Variants in EEFSEC observed in about 807,000 individuals in gnomAD.
The protein encoded by EEFSEC is eukaryotic elongation factor, selenocysteine-tRNA specific, also known as selenocysteine-specific elongation factor.
A neutral mutation model predicts 42.1 loss-of-function variants in EEFSEC; 43 were observed. The ratio of observed to expected loss-of-function variants is 1.02; its 90% CI spans 0.80 to 1.32. The LOEUF is 1.32. Among genes scored for constraint, EEFSEC ranks in the 40% most tolerant of loss-of-function variants. EEFSEC has a pLI of 0.00. For missense variants in EEFSEC, 745 were observed against 803.6 expected (o/e 0.93, Z 0.88); for synonymous variants, 354 against 339.1 (o/e 1.04, Z -0.48).
At chr3:128,224,054 C>T (rs1477060268) in intron 1 of EEFSEC, among the ~76,000 whole-genome samples, 2 of 151,690 alleles carry the variant, frequency 1.3e-5, no homozygotes, top group African/African-American at 4.8e-5. Context: ...TTCTCATTCT[C>T]TTTTCATTTG....
At chr3:128,422,562 G>A in the EEFSEC span, among the ~76,000 whole-genome samples, 1 of 152,204 alleles carries the variant, frequency 6.6e-6, no homozygotes. Flanking sequence ...TGAGAAACTC[G>A]TTCTCACTCC....
chr3:128,235,812 C>T (rs2066002882), intron 1 of EEFSEC, among the ~76,000 whole-genome samples: 1 of 152,216 alleles, frequency 6.6e-6, no homozygotes, highest in African/African-American at 2.4e-5. Context: ...CATATGTGCC[C>T]CATGTGCACG....
chr3:128,298,839 C>T (rs1286441888), intron 4 of EEFSEC, among the ~76,000 whole-genome samples: 1 of 152,208 alleles, frequency 6.6e-6, no homozygotes, highest in East Asian at 1.9e-4. Context: ...TGGTGCTTGG[C>T]TAATTTCACT....
chr3:128,323,170 C>T (rs2067026407), intron 4 of EEFSEC, among the ~76,000 whole-genome samples: 1 of 152,172 alleles, frequency 6.6e-6, no homozygotes, highest in Non-Finnish European at 1.5e-5. Flanking sequence ...AGGGGTAGTT[C>T]ACATACTTAG....
intron 4 of EEFSEC, among the ~76,000 whole-genome samples, chr3:128,283,015 C>G (rs1339055847): frequency 6.6e-6 from 1 of 152,248 alleles, no homozygotes; most frequent in Non-Finnish European, 1.5e-5. Context: ...TTGGGTGCTT[C>G]CTGCCAGGAG....
chr3:128,383,559 G>A (rs930362265), intron 6 of EEFSEC, among the ~76,000 whole-genome samples: 9 of 152,178 alleles, frequency 5.9e-5, no homozygotes, highest in African/African-American at 1.9e-4. Flanking sequence ...GACTAGGGTC[G>A]GGATCTTGGT....
At position 128,262,298 on chromosome 3, in the gene EEFSEC, C is replaced by G; in HGVS notation, c.621+74C>G. On this transcript the variant is annotated intron_variant, in intron 3 of 6. Transcript: ENST00000254730. ...GGCCAGCCCCTTTGTGTCCCTCTCT[C>G]CCCTGAGAGAGAAAGAGAGGCAGCC... 7 of 1,357,456 alleles carry G rather than the reference C, an allele frequency of 5.2e-6. No individual in the cohort carries two copies. In the South Asian group the frequency reaches 8.4e-5, roughly 16 times the overall value. The allele number at this position is 1,357,456 out of a possible 1,614,324, so 84.1% of individuals were successfully genotyped here.
intron 1 of EEFSEC, among the ~76,000 whole-genome samples, chr3:128,171,761 G>C (rs2065298697): frequency 6.6e-6 from 1 of 150,542 alleles, no homozygotes; most frequent in Non-Finnish European, 1.5e-5. Flanking sequence ...TTTCTATAGA[G>C]ACTTTTAAGC....
chr3:128,354,868 G>A (rs990620437), intron 5 of EEFSEC, among the ~76,000 whole-genome samples: 1 of 152,214 alleles, frequency 6.6e-6, no homozygotes, highest in East Asian at 1.9e-4. Flanking sequence ...CTGGAGCCAG[G>A]CCTCCAGGCC....
the EEFSEC span, among the ~76,000 whole-genome samples, chr3:128,416,892 G>T: frequency 6.7e-6 from 1 of 148,960 alleles, no homozygotes; most frequent in Non-Finnish European, 1.5e-5. Context: ...GCTCACCCCT[G>T]TGTCATGGGA....
At chr3:128,377,289 G>T (rs576411421) in intron 6 of EEFSEC, among the ~76,000 whole-genome samples, 2 of 151,490 alleles carry the variant, frequency 1.3e-5, no homozygotes, top group Non-Finnish European at 2.9e-5. Flanking sequence ...TTACTCTGTG[G>T]TCTCCAAGGG....
rs150858031 is a variant in EEFSEC, at chr3:128,361,189, G to A, written c.1600+2816G>A. Among the ~76,000 whole-genome samples the A allele has an allele frequency of 1.8e-4, 27 of 152,234 alleles. 1 individual carries two copies. Among genetic ancestry groups the A allele is most frequent in the Middle Eastern group, 6.8e-3 (2 of 294 alleles). On this transcript the variant is annotated intron_variant, in intron 6 of 6. Transcript: ENST00000254730. ...CGGGCTGGGAAAGGCAGAATGAAGA[G>A]TCCCCTGGGTTTCCTCCCATCAGCC... is the stretch of plus-strand genomic sequence containing the variant.
At chr3:128,165,163 C>T (rs567423087) in intron 1 of EEFSEC, among the ~76,000 whole-genome samples, 7 of 152,288 alleles carry the variant, frequency 4.6e-5, no homozygotes, top group East Asian at 3.9e-4. Context: ...CCTAGGGAGG[C>T]GTTTCCATCT....
chr3:128,222,250 C>T (rs1477530575), intron 1 of EEFSEC, among the ~76,000 whole-genome samples: 2 of 152,038 alleles, frequency 1.3e-5, no homozygotes, highest in Non-Finnish European at 2.9e-5. Flanking sequence ...CCAGGCTGGC[C>T]TCGAACTCCT....
At chr3:128,365,066 G>A (rs979829597) in intron 6 of EEFSEC, among the ~76,000 whole-genome samples, 1 of 152,230 alleles carries the variant, frequency 6.6e-6, no homozygotes, top group African/African-American at 2.4e-5. Flanking sequence ...GGTTCCAGCT[G>A]GTAGCCCGTG....
the EEFSEC span, among the ~76,000 whole-genome samples, chr3:128,422,911 G>A: frequency 3.3e-5 from 5 of 152,314 alleles, no homozygotes; most frequent in East Asian, 7.7e-4. Context: ...AGGTCATGCT[G>A]CCCCCACCTG....
At chr3:128,221,410 T>A (rs544828832) in intron 1 of EEFSEC, among the ~76,000 whole-genome samples, 8 of 152,360 alleles carry the variant, frequency 5.3e-5, no homozygotes, top group African/African-American at 1.7e-4. Context: ...TGGTGGAGAT[T>A]AAATTGCTTG....
At chr3:128,203,600 A>G (rs2065664251) in intron 1 of EEFSEC, among the ~76,000 whole-genome samples, 1 of 152,218 alleles carries the variant, frequency 6.6e-6, no homozygotes, top group Non-Finnish European at 1.5e-5. Flanking sequence ...AGGTGACATG[A>G]GTAGGGGCAG....
chr3:128,341,262 G>T lies in EEFSEC; in HGVS notation c.816G>T (p.Met272Ile). 6.2e-7 allele frequency: 1 copy of T among 1,612,654 alleles called. No individual in the cohort carries two copies. Among genetic ancestry groups the T allele is most frequent in the Non-Finnish European group, 8.5e-7 (1 of 1,179,266 alleles). The change falls in exon 5 of 7, where the codon ATG becomes ATT. Residue 272 changes from methionine (M) to isoleucine (I), a missense_variant. Coordinates refer to ENST00000254730, the MANE Select transcript of EEFSEC (RefSeq NM_021937.5). The part of the protein sequence containing the change: ...KVVKKVKSMQ[M>I]FHMPITSAMQ... ...TGAAGAAGGTGAAGTCCATGCAGATGTTCCACATGCCCATCACTTCAGCCA... is the reference window on the plus strand; with the variant it reads ...TGAAGAAGGTGAAGTCCATGCAGATTTTCCACATGCCCATCACTTCAGCCA...
Sources: gnomAD v4.1 joint callset for allele counts (sites outside exome capture counted in the v4.1 genomes callset) on GRCh38, gnomAD v4.1.1 for gene constraint, MANE v1.5 for transcripts, NCBI Gene and HGNC (gene_info 2026-07-23, HGNC 2026-07-21) for gene names.